The following RBKS variants were observed in gnomAD, a reference collection of about 807,000 sequenced individuals.
RBKS encodes the protein ribokinase.
Under a neutral mutation model 33.9 loss-of-function variants are expected in RBKS, and 33 were observed. The ratio of observed to expected loss-of-function variants is 0.97; its 90% CI spans 0.74 to 1.30. RBKS has a LOEUF of 1.30. Among genes scored for constraint, RBKS ranks in the 50% most tolerant of loss-of-function variants. The probability of loss-of-function intolerance (pLI) is 0.00; values close to 1 mark genes in which losing one functional copy is unlikely to be tolerated. For synonymous variants in RBKS, 125 were observed against 143.0 expected (o/e 0.87, Z 0.90); for missense variants, 361 against 392.6 (o/e 0.92, Z 0.68).
intron 7 of RBKS, among the ~76,000 whole-genome samples, chr2:27,822,892 G>C (rs66474522): frequency 6.6e-6 from 1 of 152,202 alleles, no homozygotes; most frequent in African/African-American, 2.4e-5. Flanking sequence ...CTAAATTCTT[G>C]AGAGTGTTAT....
intron 2 of RBKS, among the ~76,000 whole-genome samples, chr2:27,856,294 A>G (rs1663854561): frequency 6.6e-6 from 1 of 152,208 alleles, no homozygotes; most frequent in Admixed American, 6.5e-5. Flanking sequence ...GCATTAGGTG[A>G]CTAAATCAGG....
Position 27,881,962 on chromosome 2 carries a change from C to A in RBKS, c.89+8295G>T, listed in dbSNP as rs556003071. Among the ~76,000 whole-genome samples, 8 of 152,212 alleles carry A rather than the reference C, an allele frequency of 5.3e-5. No homozygotes were observed. In the East Asian group the frequency reaches 1.3e-3, roughly 26 times the overall value. On this transcript the variant is annotated intron_variant, in intron 1 of 7. Transcript: ENST00000302188. ...AATGTAAAACCTAAAACTATAAAAA[C>A]CCTGGAAGACAACCTAGGCAATACC...
intron 7 of RBKS, among the ~76,000 whole-genome samples, chr2:27,815,994 CCAGGGG>C (rs1300720868): frequency 6.6e-6 from 1 of 152,204 alleles, no homozygotes; most frequent in Non-Finnish European, 1.5e-5. Flanking sequence ...TGAAGCAGGG[CCAGGGG>C]CCCAGATCCC....
intron 1 of RBKS, among the ~76,000 whole-genome samples, chr2:27,864,869 A>G (rs1682393349): frequency 6.6e-6 from 1 of 152,188 alleles, no homozygotes; most frequent in African/African-American, 2.4e-5. Flanking sequence ...CATCACCTGC[A>G]CATGACCTAC....
intron 7 of RBKS, among the ~76,000 whole-genome samples, chr2:27,785,962 G>A (rs1677390430): frequency 6.6e-6 from 1 of 152,060 alleles, no homozygotes; most frequent in African/African-American, 2.4e-5. Context: ...GAATAAACTG[G>A]TACATTCTTA....
chr2:27,874,977 C>G (rs1297358592), intron 1 of RBKS, among the ~76,000 whole-genome samples: 1 of 152,174 alleles, frequency 6.6e-6, no homozygotes, highest in South Asian at 2.1e-4. Flanking sequence ...TTTCTTTGAA[C>G]TGTCTTGTTT....
chr2:27,889,929 T>G, intron 1 of RBKS: 1 of 267,682 alleles, frequency 3.7e-6, no homozygotes, highest in Non-Finnish European at 7.1e-6. Flanking sequence ...CCCTGGCTCG[T>G]TTGGGGAAAG....
intron 6 of RBKS, among the ~76,000 whole-genome samples, chr2:27,829,183 C>T (rs1169054816): frequency 3.3e-5 from 5 of 152,086 alleles, no homozygotes; most frequent in African/African-American, 1.2e-4. Flanking sequence ...GTATGAGCCA[C>T]CACGCCTGGC....
At chr2:27,854,090 A>G (rs905327364) in intron 2 of RBKS, among the ~76,000 whole-genome samples, 1 of 152,244 alleles carries the variant, frequency 6.6e-6, no homozygotes, top group African/African-American at 2.4e-5. Context: ...GTGGAGAAGC[A>G]CTGGCCTTGT....
Position 27,839,134 on chromosome 2 carries a change from A to G in RBKS, c.514+3933T>C, listed in dbSNP as rs747251274. On this transcript the variant is annotated intron_variant, in intron 5 of 7. Transcript: ENST00000302188. Reference sequence around the variant, plus strand: ...ATTACTCTAGAGGCTCTTTTCTGTGACTTGAGCAGCAAAAACACTCAAAGC... The same window carrying G: ...ATTACTCTAGAGGCTCTTTTCTGTGGCTTGAGCAGCAAAAACACTCAAAGC... Among the ~76,000 whole-genome samples the G allele has an allele frequency of 1.6e-3, 243 of 152,172 alleles. 6 individuals carry two copies. Among genetic ancestry groups the G allele is most frequent in the Non-Finnish European group, 3.8e-4 (26 of 68,026 alleles).
intron 7 of RBKS, among the ~76,000 whole-genome samples, chr2:27,803,617 G>A (rs1203287606): frequency 5.9e-5 from 9 of 151,950 alleles, no homozygotes; most frequent in Admixed American, 5.9e-4. Flanking sequence ...TTGAGTCAGG[G>A]GGTGGAAGTC....
At chr2:27,835,232 C>T (rs1295299542) in intron 5 of RBKS, among the ~76,000 whole-genome samples, 5 of 148,700 alleles carry the variant, frequency 3.4e-5, no homozygotes, top group South Asian at 2.1e-4. Flanking sequence ...GCTGAGATCG[C>T]GTCATTGCAC....
intron 1 of RBKS, among the ~76,000 whole-genome samples, chr2:27,862,947 A>G (rs1664018482): frequency 6.6e-6 from 1 of 152,070 alleles, no homozygotes; most frequent in Non-Finnish European, 1.5e-5. Context: ...TCAAGAAAGC[A>G]TCTGCACAAA....
intron 1 of RBKS, among the ~76,000 whole-genome samples, chr2:27,866,981 G>A (rs71441095): frequency 0.15 from 22,614 of 151,742 alleles, 2,149 homozygotes; most frequent in East Asian, 0.45. Context: ...GCGTGCACCT[G>A]TGGTCGCAGC....
At chr2:27,888,280 A>C (rs1664588767) in intron 1 of RBKS, among the ~76,000 whole-genome samples, 1 of 152,074 alleles carries the variant, frequency 6.6e-6, no homozygotes, top group South Asian at 2.1e-4. Flanking sequence ...GGCGCCAGCT[A>C]CCATGCCCAG....
At chr2:27,801,963 A>AAAAAAAAT (rs1308232858) in intron 7 of RBKS, among the ~76,000 whole-genome samples, 1 of 47,614 alleles carries the variant, frequency 2.1e-5, no homozygotes, top group Non-Finnish European at 4.0e-5. Context: ...AAAAAAAAAA[A>AAAAAAAAT]ATATATATAT....
chr2:27,856,934 T>C (rs988845591), intron 2 of RBKS, among the ~76,000 whole-genome samples: 1 of 152,176 alleles, frequency 6.6e-6, no homozygotes, highest in Non-Finnish European at 1.5e-5. Context: ...AATTAATTGC[T>C]GATTAATTAC....
chr2:27,877,874 A>G (rs1664343594), intron 1 of RBKS, among the ~76,000 whole-genome samples: 1 of 152,102 alleles, frequency 6.6e-6, no homozygotes, highest in South Asian at 2.1e-4. Flanking sequence ...TTTACCTTTC[A>G]AATAGGTCTT....
chr2:27,781,747 C>T lies in RBKS; in HGVS notation c.837G>A (p.Leu279=), dbSNP rs201897352. 3.5e-5 allele frequency: 57 copies of T among 1,613,644 alleles called. No homozygotes were observed. The highest frequency in any genetic ancestry group is 4.7e-5 in the Non-Finnish European group (55 of 1,179,874). ...CCAAGGACAGATTTGGATAGTAAGC[C>T]AGGTAGAAGGCCAGAGCTCCCACAA... ...DSFVGALAFY[L]AYYPNLSLED... Residue 279 remains leucine, a synonymous_variant, in exon 8 of 8, where the codon CTG becomes CTA. Transcript: ENST00000302188.
Sources: gnomAD v4.1 joint callset for allele counts (sites outside exome capture counted in the v4.1 genomes callset) on GRCh38, gnomAD v4.1.1 for gene constraint, MANE v1.5 for transcripts, NCBI Gene and HGNC (gene_info 2026-07-23, HGNC 2026-07-21) for gene names.